SLC16A2: variants seen among roughly 807,000 people sequenced by gnomAD.
The protein encoded by SLC16A2 is solute carrier family 16 member 2.
In SLC16A2, 3 loss-of-function variants were observed where a neutral mutation model predicts 27.2. That is an observed-to-expected ratio of 0.11 (90% confidence interval 0.05 to 0.28). SLC16A2 has a LOEUF of 0.28. SLC16A2 is among the 10% of genes least tolerant of loss of function. The pLI is 1.00. For missense variants in SLC16A2, 295 were observed against 458.5 expected (o/e 0.64, Z 3.26); for synonymous variants, 202 against 187.8 (o/e 1.08, Z -0.62).
At chrX:74,454,444 G>A (rs1261712144) in intron 1 of SLC16A2, among the ~76,000 whole-genome samples, 1 of 109,800 alleles carries the variant, frequency 9.1e-6, no homozygotes, top group Non-Finnish European at 1.9e-5. Flanking sequence ...GGATGAAGCT[G>A]GAAATCATCA....
At position 74,440,421 on chromosome X, in the gene SLC16A2, A is replaced by T. The variant is rs749499084; in HGVS notation, c.430+18354A>T. Reference sequence around the variant, plus strand: ...TGTTCTGTTTTGTTTGTGTGTGTGTATGTGTGTGTGTGTTGGTTTGGGCAG... The same window carrying T: ...TGTTCTGTTTTGTTTGTGTGTGTGTTTGTGTGTGTGTGTTGGTTTGGGCAG... On this transcript the variant is annotated intron_variant, in intron 1 of 5. Transcript: ENST00000587091. Among the ~76,000 whole-genome samples, 7 of 106,554 alleles carry T rather than the reference A, an allele frequency of 6.6e-5. No homozygotes were observed. The South Asian group carries it at 2.9e-3, about 44-fold the overall frequency. The allele number at this position is 106,554 out of a possible 115,157, so 92.5% of individuals were successfully genotyped here. A position where few individuals can be genotyped will look rare whatever the true frequency, so the allele number is the denominator to read the frequency against.
chrX:74,428,170 C>G (rs1290624441), intron 1 of SLC16A2, among the ~76,000 whole-genome samples: 1 of 111,217 alleles, frequency 9.0e-6, no homozygotes, highest in Admixed American at 9.5e-5. Flanking sequence ...CCCCAGCTCT[C>G]TCTGGCTTTA....
In SLC16A2 at chrX:74,479,104, G is replaced by A. The variant is rs775615949; in HGVS notation, c.431-41886G>A. 8.9e-5 allele frequency among the ~76,000 whole-genome samples: 10 copies of A among 111,907 alleles called. No homozygotes were observed. The South Asian group carries it at 3.4e-3, about 38-fold the overall frequency. On this transcript the variant is annotated intron_variant, in intron 1 of 5. Coordinates refer to ENST00000587091, the MANE Select transcript of SLC16A2 (RefSeq NM_006517.5). ...TTTCCAACTTGGTTCCATTCTCCCC[G>A]TCACTTTCAGGTACACCAATCAGAT...
At chrX:74,429,788 G>C (rs1193171404) in intron 1 of SLC16A2, among the ~76,000 whole-genome samples, 2 of 112,046 alleles carry the variant, frequency 1.8e-5, no homozygotes, top group Non-Finnish European at 3.8e-5. Flanking sequence ...TGAGGTCACA[G>C]GTTCAGTCAC....
chrX:74,477,537 T>G (rs1313169896), intron 1 of SLC16A2, among the ~76,000 whole-genome samples: 1 of 111,808 alleles, frequency 8.9e-6, no homozygotes, highest in African/African-American at 3.3e-5. Context: ...TGAATGTGTT[T>G]GCTCTTGCTT....
intron 1 of SLC16A2, among the ~76,000 whole-genome samples, chrX:74,485,245 A>G (rs1035111647): frequency 9.1e-6 from 1 of 109,494 alleles, no homozygotes; most frequent in Non-Finnish European, 1.9e-5. Flanking sequence ...TTAAGGAAAA[A>G]GCCAACAAAC....
intron 1 of SLC16A2, among the ~76,000 whole-genome samples, chrX:74,455,282 C>T (rs751378274): frequency 7.4e-4 from 82 of 110,544 alleles, no homozygotes; most frequent in African/African-American, 2.5e-3. Flanking sequence ...TATTTTATCT[C>T]GGGGAAAGTT....
At chrX:74,503,308 A>T (rs947432150) in intron 1 of SLC16A2, among the ~76,000 whole-genome samples, 1 of 111,047 alleles carries the variant, frequency 9.0e-6, no homozygotes. Flanking sequence ...TTTGACCCAT[A>T]CTGCTTTCTT....
rs1483954927 is a variant in SLC16A2 at position 74,533,781 on chromosome X, GTATTAA to G, written c.*2233_*2238del. On this transcript the variant is annotated 3_prime_UTR_variant, in exon 6 of 6. Coordinates refer to ENST00000587091, the MANE Select transcript of SLC16A2 (RefSeq NM_006517.5). ...AATGTTGATTGGCAAAAGCAGCACA[GTATTAA>G]TATTTAGAGTAGGATGCAGCCTCTT... 2 of 112,889 alleles carry G rather than the reference GTATTAA, an allele frequency of 1.8e-5. No homozygotes were observed. Among genetic ancestry groups the G allele is most frequent in the Non-Finnish European group, 3.7e-5 (2 of 53,348 alleles). 9.3% of individuals were successfully genotyped at this position (112,889 alleles called of 1,213,427 possible).
At position 74,488,298 on chromosome X, in the gene SLC16A2, A is replaced by G. The variant is rs191578401; in HGVS notation, c.431-32692A>G. ...ATTTTTACCTGTTTTTTAAAAAATT[A>G]TCTCCCTTACTTTAGGTAATTAATA... On this transcript the variant is annotated intron_variant, in intron 1 of 5. Transcript: ENST00000587091. 2.0e-3 allele frequency among the ~76,000 whole-genome samples: 222 copies of G among 111,714 alleles called. 1 individual carries two copies. Among genetic ancestry groups the G allele is most frequent in the African/African-American group, 6.6e-3 (203 of 30,890 alleles).
intron 1 of SLC16A2, among the ~76,000 whole-genome samples, chrX:74,447,369 G>A (rs1389384186): frequency 4.5e-5 from 5 of 111,649 alleles, no homozygotes; most frequent in Admixed American, 2.9e-4. Flanking sequence ...GAAGGGAGTT[G>A]CATGATAAAA....
At chrX:74,456,248 G>A (rs1410683336) in intron 1 of SLC16A2, among the ~76,000 whole-genome samples, 1 of 111,512 alleles carries the variant, frequency 9.0e-6, no homozygotes, top group Non-Finnish European at 1.9e-5. Context: ...TTGCTTCCTT[G>A]CGATTGGGCA....
At chrX:74,516,485 G>A (rs1421562907) in intron 1 of SLC16A2, among the ~76,000 whole-genome samples, 2 of 111,242 alleles carry the variant, frequency 1.8e-5, no homozygotes, top group Non-Finnish European at 3.8e-5. Context: ...GGAGATATAA[G>A]GGAGGTTAGG....
At chrX:74,459,557 T>A (rs1213682352) in intron 1 of SLC16A2, among the ~76,000 whole-genome samples, 2 of 110,002 alleles carry the variant, frequency 1.8e-5, no homozygotes, top group Non-Finnish European at 3.8e-5. Context: ...CATTCTGTTT[T>A]CTCAGTCATC....
chrX:74,443,447 C>T (rs1928786756), intron 1 of SLC16A2, among the ~76,000 whole-genome samples: 1 of 112,005 alleles, frequency 8.9e-6, no homozygotes, highest in African/African-American at 3.2e-5. Context: ...CTCCTCCCCA[C>T]TAGGCTCTCT....
chrX:74,525,418 G>A (rs978440556), intron 3 of SLC16A2, among the ~76,000 whole-genome samples: 1 of 111,786 alleles, frequency 8.9e-6, no homozygotes, highest in African/African-American at 3.3e-5. Context: ...ATTTGATGTT[G>A]CCCTAGGCTG....
chrX:74,427,821 A>T (rs147257425), intron 1 of SLC16A2, among the ~76,000 whole-genome samples: 1 of 108,986 alleles, frequency 9.2e-6, no homozygotes, highest in African/African-American at 3.3e-5. Context: ...GCACACACAC[A>T]CACACACACA....
At chrX:74,483,844 T>G (rs149486989) in intron 1 of SLC16A2, among the ~76,000 whole-genome samples, 129 of 111,476 alleles carry the variant, frequency 1.2e-3, no homozygotes, top group African/African-American at 3.9e-3. Flanking sequence ...CCCACCATGC[T>G]TGAGGTAGAG....
At chrX:74,486,678 G>A (rs1929726499) in intron 1 of SLC16A2, among the ~76,000 whole-genome samples, 2 of 112,152 alleles carry the variant, frequency 1.8e-5, no homozygotes, top group Non-Finnish European at 3.8e-5. Flanking sequence ...ACAGTGTGGC[G>A]ATTCCTCAAG....
Sources: gnomAD v4.1 joint callset for allele counts (sites outside exome capture counted in the v4.1 genomes callset) on GRCh38, gnomAD v4.1.1 for gene constraint, MANE v1.5 for transcripts, NCBI Gene and HGNC (gene_info 2026-07-23, HGNC 2026-07-21) for gene names.